SLC19A1: variants seen among roughly 807,000 people sequenced by gnomAD.
SLC19A1 encodes the protein reduced folate transporter.
SLC19A1 carries 37 observed loss-of-function variants against 35.3 expected under a neutral mutation model. The observed-to-expected ratio is 1.05, with a 90% confidence interval of 0.81 to 1.38. The LOEUF is 1.38. SLC19A1 is among the 40% of genes most tolerant of loss of function. The pLI is 0.00. For missense variants in SLC19A1, 831 were observed against 826.9 expected (o/e 1.00, Z -0.06); for synonymous variants, 460 against 398.5 (o/e 1.15, Z -1.84).
intron 5 of SLC19A1, among the ~76,000 whole-genome samples, chr21:45,522,215 C>G (rs2077458155): frequency 6.6e-6 from 1 of 152,168 alleles, no homozygotes; most frequent in Non-Finnish European, 1.5e-5. Flanking sequence ...AAAAGATGTT[C>G]AACATCATTA....
intron 1 of SLC19A1, among the ~76,000 whole-genome samples, chr21:45,552,475 G>A (rs770459911): frequency 2.0e-5 from 3 of 152,134 alleles, no homozygotes; most frequent in African/African-American, 4.8e-5. Flanking sequence ...ACACCCACCC[G>A]GAGGCTCAGG....
Position 45,525,856 on chromosome 21 carries a change from G to A in SLC19A1, c.1254C>T (p.Val418=). 5 of 1,613,518 alleles carry A rather than the reference G, an allele frequency of 3.1e-6. No individual in the cohort carries two copies. The highest frequency in any genetic ancestry group is 4.2e-6 in the Non-Finnish European group (5 of 1,179,980). ...TIVKTIITFI[V]SDVRGLGLPV... ...GGAGGCCCAGGCCCCGCACGTCCGAGACAATGAAAGTGATGATGGTCTTGA... is the reference window on the plus strand; with the variant it reads ...GGAGGCCCAGGCCCCGCACGTCCGAAACAATGAAAGTGATGATGGTCTTGA... Residue 418 remains valine, a synonymous_variant, in exon 5 of 6, where the codon GTC becomes GTT. Coordinates refer to ENST00000311124, the MANE Select transcript of SLC19A1 (RefSeq NM_194255.4).
chr21:45,504,169 G>A (rs565623379), intron 3 of SLC19A1: 90 of 1,241,946 alleles, frequency 7.2e-5, no homozygotes, highest in Admixed American at 2.1e-4. Context: ...TCAGCCCTGC[G>A]AGGGGCGCTG....
chr21:45,503,735 A>C (rs1010661541), intron 3 of SLC19A1, among the ~76,000 whole-genome samples: 1 of 152,030 alleles, frequency 6.6e-6, no homozygotes, highest in Non-Finnish European at 1.5e-5. Flanking sequence ...ATGTATACAT[A>C]TGTAACTAAC....
upstream of SLC19A1, among the ~76,000 whole-genome samples, chr21:45,543,370 G>A (rs1602926115): frequency 6.6e-6 from 1 of 152,334 alleles, no homozygotes; most frequent in South Asian, 2.1e-4. Context: ...GGCTAAGGAG[G>A]AGCCAGGAAG....
Position 45,505,532 on chromosome 21 carries a change from G to A in SLC19A1, c.498-6920C>T, listed in dbSNP as rs2037146992. The A allele has an allele frequency of 2.2e-5, 16 of 733,448 alleles. No individual in the cohort carries two copies. The East Asian group carries it at 3.2e-4, about 15-fold the overall frequency. 45.4% of individuals were successfully genotyped at this position (733,448 alleles called of 1,614,324 possible). A position where few individuals can be genotyped will look rare whatever the true frequency, so the allele number is the denominator to read the frequency against. ...CACTCTCCCACGGACCCCACAGGGA[G>A]ATATACAGGAGGCCAAGATGCGGTT... On this transcript the variant is annotated intron_variant, in intron 3 of 4. Transcript: ENST00000417954.
exon 1 of SLC19A1, among the ~76,000 whole-genome samples, chr21:45,562,760 G>A (rs1170117437): frequency 5.9e-5 from 9 of 152,172 alleles, no homozygotes; most frequent in East Asian, 3.8e-4. Flanking sequence ...CCAACAATCC[G>A]CAGAAGATCC....
chr21:45,540,662 G>A lies in SLC19A1; in HGVS notation c.-50+1706C>T, dbSNP rs903746132. ...GGAACTTGGTCACCATCATAGAAAC[G>A]CAGCCCCAAGCCAGGGGACGCCTAG... On this transcript the variant is annotated intron_variant, in intron 1 of 5. Coordinates refer to ENST00000311124, the MANE Select transcript of SLC19A1 (RefSeq NM_194255.4). This position sits in a 1 kb window ranked among gnomAD's most constrained non-coding sequence, Gnocchi z 5.5. Among the ~76,000 whole-genome samples, 7 of 152,112 alleles carry A rather than the reference G, an allele frequency of 4.6e-5. No individual in the cohort carries two copies. Among genetic ancestry groups the A allele is most frequent in the Non-Finnish European group, 8.8e-5 (6 of 68,018 alleles).
chr21:45,505,164 C>T lies in SLC19A1; in HGVS notation c.498-6552G>A, dbSNP rs761528498. 5.0e-6 allele frequency: 8 copies of T among 1,607,426 alleles called. No individual in the cohort carries two copies. The South Asian group carries it at 7.7e-5, about 16-fold the overall frequency. On this transcript the variant is annotated intron_variant, in intron 3 of 4. Coordinates refer to the SLC19A1 transcript ENST00000417954. ...CAAGGGAGAGAGCATCCGGGGCCAG[C>T]CCGGCCCACCTGGACCTCAGGGACC...
chr21:45,557,094 C>T (rs537876375), intron 1 of SLC19A1, among the ~76,000 whole-genome samples: 165 of 152,354 alleles, frequency 1.1e-3, no homozygotes, highest in African/African-American at 3.9e-3. Context: ...GCACCAGCCA[C>T]TGCCTCCCCA....
chr21:45,513,865 A>C lies in SLC19A1; in HGVS notation c.*1793T>G, dbSNP rs952828969. The C allele has an allele frequency of 3.9e-5, 6 of 152,260 alleles. No individual in the cohort carries two copies. The highest frequency in any genetic ancestry group is 1.4e-4 in the African/African-American group (6 of 41,458). 9.4% of individuals were successfully genotyped at this position (152,260 alleles called of 1,614,324 possible). A position where few individuals can be genotyped will look rare whatever the true frequency, so the allele number is the denominator to read the frequency against. On this transcript the variant is annotated 3_prime_UTR_variant, in exon 6 of 6. Transcript: ENST00000311124. ...GCACGGTTACATGGGGTATGCATGC[A>C]TGGCCATACACAGGCGTGCAGTTGT...
At chr21:45,506,257 A>C (rs990586626) in intron 3 of SLC19A1, 1 of 439,054 alleles carries the variant, frequency 2.3e-6, no homozygotes, top group African/African-American at 2.0e-5. Context: ...GTCACCTCAC[A>C]CACCCGATAA....
rs765932315 is a variant in SLC19A1 at position 45,537,899 on chromosome 21, C to T, written c.61G>A (p.Glu21Lys). The T allele has an allele frequency of 4.4e-6, 7 of 1,597,352 alleles. No homozygotes were observed. The highest frequency in any genetic ancestry group is 6.0e-6 in the Non-Finnish European group (7 of 1,175,262). The change falls in exon 2 of 6, where the codon GAG (glutamate) becomes AAG (lysine). Residue 21 changes from glutamate (E) to lysine (K), a missense_variant. Transcript: ENST00000311124. ...ACGAGGTGCCGCCAGGACCGGAGCT[C>T]GGGGTCAGGCCCAGGTTCCACGGGC... ...QVPVEPGPDP[E>K]LRSWRHLVCY... is the part of the protein sequence containing the mutation.
intron 4 of SLC19A1, among the ~76,000 whole-genome samples, chr21:45,527,910 T>C (rs1463018325): frequency 4.8e-5 from 7 of 146,584 alleles, no homozygotes; most frequent in Admixed American, 1.4e-4. Flanking sequence ...AGTCTTCCGA[T>C]GCAGTTCCAA....
At chr21:45,556,843 G>A (rs2078567260) in intron 1 of SLC19A1, among the ~76,000 whole-genome samples, 1 of 152,244 alleles carries the variant, frequency 6.6e-6, no homozygotes, top group Non-Finnish European at 1.5e-5. Context: ...TGTGGCCGGG[G>A]CTTCCTGGGG....
At chr21:45,550,917 T>TCC (rs1167628576) in intron 1 of SLC19A1, among the ~76,000 whole-genome samples, 17 of 74,844 alleles carry the variant, frequency 2.3e-4, no homozygotes, top group Middle Eastern at 5.8e-3. Context: ...CCCCCCACCC[T>TCC]CCCCCCGCCT....
Position 45,531,427 on chromosome 21 carries a change from AC to A in SLC19A1, c.910del (p.Val304SerfsTer24). On this transcript the variant is annotated frameshift_variant, in exon 3 of 6. Transcript: ENST00000311124. LOFTEE classifies it high-confidence loss of function. Reference sequence around the variant, plus strand: ...GGCAGCATCTGCCGCGCCGTTGTAGACCCGCGCACTGTTGGTGGTGGGGTCC... The same window carrying A: ...GGCAGCATCTGCCGCGCCGTTGTAGACCGCGCACTGTTGGTGGTGGGGTCC... ...EVDPTTNSARVYNGAADAAST... is the reference protein window; with the variant it reads ...EVDPTTNSARXYNGAADAAST... The A allele has an allele frequency of 6.2e-7, 1 of 1,606,680 alleles. No individual in the cohort carries two copies. The highest frequency in any genetic ancestry group is 8.5e-7 in the Non-Finnish European group (1 of 1,176,508).
intron 1 of SLC19A1, among the ~76,000 whole-genome samples, chr21:45,560,912 C>A (rs935896589): frequency 2.0e-5 from 3 of 152,180 alleles, no homozygotes; most frequent in African/African-American, 7.2e-5. Flanking sequence ...TCACGGCTGG[C>A]GGAGGGAATG....
downstream of SLC19A1, among the ~76,000 whole-genome samples, chr21:45,510,908 C>T (rs1393560908): frequency 6.6e-6 from 1 of 152,042 alleles, no homozygotes; most frequent in African/African-American, 2.4e-5. Flanking sequence ...AGGACATGCC[C>T]AGGGGCTGCA....
Sources: gnomAD v4.1 joint callset for allele counts (sites outside exome capture counted in the v4.1 genomes callset) on GRCh38, gnomAD v4.1.1 for gene constraint, Gnocchi (gnomAD v3.1) non-coding constraint, MANE v1.5 for transcripts, NCBI Gene and HGNC (gene_info 2026-07-23, HGNC 2026-07-21) for gene names.